Variants in NAA25 observed in about 807,000 individuals in gnomAD.
NAA25 encodes the protein N-terminal acetyltransferase B complex subunit NAA25.
NAA25 carries 30 observed loss-of-function variants against 132.5 expected under a neutral mutation model. The observed-to-expected ratio is 0.23, with a 90% CI of 0.17 to 0.31. NAA25 has a LOEUF of 0.31. Among genes scored for constraint, NAA25 ranks in the 10% least tolerant of loss-of-function variants. The pLI is 1.00. For missense variants in NAA25, 771 were observed against 1,150.4 expected, an observed-to-expected ratio of 0.67 and a Z score of 4.77; for synonymous variants, 359 against 401.9, an observed-to-expected ratio of 0.89 and a Z score of 1.28.
At chr12:112,046,969 TTAAAAA>T (rs2078391023) in intron 17 of NAA25, among the ~76,000 whole-genome samples, 1 of 152,196 alleles carries the variant, frequency 6.6e-6, no homozygotes, top group Non-Finnish European at 1.5e-5. Context: ...CCTCACCTAT[TTAAAAA>T]TATTTTCTAT....
At position 112,049,468 on chromosome 12, in the gene NAA25, T is replaced by C. The variant is rs747028900; in HGVS notation, c.1729-1025A>G. The C allele has an allele frequency of 1.0e-6, 1 of 985,874 alleles. No homozygotes were observed. The allele number at this position is 985,874 out of a possible 1,614,324, so 61.1% of individuals were successfully genotyped here. ...TTTGCCCAGTAGGAAAATAGGCCAA[T>C]AGTCAACAACATACCCTCTGATATA... On this transcript the variant is annotated intron_variant, in intron 15 of 23. Coordinates refer to ENST00000261745, the MANE Select transcript of NAA25 (RefSeq NM_024953.4). The surrounding 1 kb of genome is among the most constrained non-coding windows in gnomAD (Gnocchi z 4.7).
intron 17 of NAA25, among the ~76,000 whole-genome samples, chr12:112,046,900 A>G (rs1429680736): frequency 6.6e-6 from 1 of 152,206 alleles, no homozygotes; most frequent in Non-Finnish European, 1.5e-5. Context: ...TATTATTTCT[A>G]TTTACAGAAG....
intron 23 of NAA25, among the ~76,000 whole-genome samples, chr12:112,031,858 A>G (rs1281970617): frequency 6.6e-6 from 1 of 151,658 alleles, no homozygotes; most frequent in Non-Finnish European, 1.5e-5. Flanking sequence ...GTGAAAACCA[A>G]TTAATCTTCC....
At chr12:112,075,587 G>T in intron 8 of NAA25, 91 bp downstream of exon 8, 1 of 1,081,500 alleles carries the variant, frequency 9.2e-7, no homozygotes, top group Non-Finnish European at 1.4e-6. Flanking sequence ...TTTATGCCCA[G>T]AAACTTCAAA....
At position 112,036,817 on chromosome 12, in the gene NAA25, G is replaced by A. The variant is rs2078229271; in HGVS notation, c.2649+2412C>T. 2.0e-5 allele frequency among the ~76,000 whole-genome samples: 3 copies of A among 151,192 alleles called. No individual in the cohort carries two copies. In the South Asian group the frequency reaches 6.3e-4, roughly 32 times the overall value. ...GATTGCGCCATTGCACTCCAGCCTG[G>A]GCAACAGAGCAAGACTCCATCTCAA... On this transcript the variant is annotated intron_variant, in intron 22 of 23. Coordinates refer to ENST00000261745, the MANE Select transcript of NAA25 (RefSeq NM_024953.4).
chr12:112,102,344 G>A (rs2079306834), intron 1 of NAA25, among the ~76,000 whole-genome samples: 1 of 151,912 alleles, frequency 6.6e-6, no homozygotes, highest in South Asian at 2.1e-4. Flanking sequence ...CTGCACTGCA[G>A]CCTGGACAAC....
chr12:112,059,818 T>C (rs1164552061), intron 13 of NAA25, among the ~76,000 whole-genome samples: 2 of 151,890 alleles, frequency 1.3e-5, no homozygotes, highest in Admixed American at 1.3e-4. Flanking sequence ...AGGTTTTTTT[T>C]TTTTTTTGAG....
intron 11 of NAA25, among the ~76,000 whole-genome samples, chr12:112,064,894 C>A (rs1394180664): frequency 1.3e-5 from 2 of 151,782 alleles, no homozygotes; most frequent in Non-Finnish European, 2.9e-5. Context: ...ATTAGCTGGG[C>A]ATGGTGGTGC....
chr12:112,029,830 T>C (rs954632962), intron 23 of NAA25, among the ~76,000 whole-genome samples, 177 bp from the exon 24 acceptor site: 2 of 152,200 alleles, frequency 1.3e-5, no homozygotes, highest in East Asian at 3.8e-4. Flanking sequence ...TCATCACGAA[T>C]GGGTATTTTT....
chr12:112,050,603 C>G (rs1355974515), intron 15 of NAA25, among the ~76,000 whole-genome samples: 1 of 151,574 alleles, frequency 6.6e-6, no homozygotes, highest in African/African-American at 2.4e-5. Flanking sequence ...ACTGCAACCT[C>G]CACCTCCCAG....
intron 18 of NAA25, 33 bp downstream of exon 18, chr12:112,043,592 G>C: frequency 6.2e-7 from 1 of 1,606,546 alleles, no homozygotes; most frequent in Non-Finnish European, 8.5e-7. Context: ...TATAATTATT[G>C]CAACTTTGAT....
intron 22 of NAA25, 151 bp from the exon 23 acceptor site, chr12:112,033,530 T>C: frequency 1.8e-6 from 1 of 547,654 alleles, no homozygotes; most frequent in Non-Finnish European, 2.9e-6. Context: ...AATAACCAGC[T>C]AGACATTTGG....
chr12:112,102,765 C>A (rs2079312641), intron 1 of NAA25, among the ~76,000 whole-genome samples: 1 of 150,674 alleles, frequency 6.6e-6, no homozygotes, highest in African/African-American at 2.4e-5. Flanking sequence ...CGGCTCACTG[C>A]AACCTCCGCC....
chr12:112,091,312 T>A (rs2079126766), intron 2 of NAA25, among the ~76,000 whole-genome samples: 1 of 149,036 alleles, frequency 6.7e-6, no homozygotes, highest in African/African-American at 2.5e-5. Context: ...TTTGGGAGAC[T>A]AAGGCAGGAG....
intron 9 of NAA25, among the ~76,000 whole-genome samples, chr12:112,073,285 CAT>C (rs1555236212): frequency 6.6e-6 from 1 of 150,428 alleles, no homozygotes; most frequent in Non-Finnish European, 1.5e-5. Flanking sequence ...CACACACACA[CAT>C]ATATTTTTGA....
At chr12:112,085,902 C>T (rs910442878) in intron 4 of NAA25, among the ~76,000 whole-genome samples, 1 of 147,584 alleles carries the variant, frequency 6.8e-6, no homozygotes, top group African/African-American at 2.5e-5. Flanking sequence ...CCTGTAGTCC[C>T]AGTACTTGAG....
chr12:112,086,467 C>CCCAGTGCCCAGTGCT (rs2079058499), intron 4 of NAA25, among the ~76,000 whole-genome samples: 3 of 151,880 alleles, frequency 2.0e-5, no homozygotes, highest in South Asian at 4.2e-4. Flanking sequence ...TGCACTCCAG[C>CCCAGTGCCCAGTGCT]CTGGGCAACA....
chr12:112,087,741 T>C lies in NAA25; in HGVS notation c.344A>G (p.Tyr115Cys). 1.2e-6 allele frequency: 2 copies of C among 1,614,188 alleles called. No homozygotes were observed. The highest frequency in any genetic ancestry group is 1.7e-6 in the Non-Finnish European group (2 of 1,180,006). Residue 115 changes from tyrosine to cysteine, a missense_variant, in exon 4 of 24, where the codon TAT becomes TGT. Tyr to Cys is a radical substitution (Grantham distance 194). Around this residue, in one of 3 missense-constraint regions of NAA25, gnomAD observed 417 missense variants for 733.8 expected, o/e 0.57. Transcript: ENST00000261745. The stretch of plus-strand genomic sequence containing the variant: ...ATAGGCCATGAAGAGGTGAGAGTGA[T>C]ACTCCTCACTATTGGGAACTTTCTT... ...AVKKVPNSEE[Y>C]HSHLFMAYAR...
At chr12:112,045,734 G>A (rs147361543) in intron 17 of NAA25, among the ~76,000 whole-genome samples, 131 of 152,254 alleles carry the variant, frequency 8.6e-4, no homozygotes, top group African/African-American at 3.0e-3. Context: ...GGTGGGGGTT[G>A]CAGTGAGCCG....
Sources: gnomAD v4.1 joint callset for allele counts (sites outside exome capture counted in the v4.1 genomes callset) on GRCh38, gnomAD v4.1.1 for gene constraint, gnomAD v4.1.1 regional missense constraint, Gnocchi (gnomAD v3.1) non-coding constraint, MANE v1.5 for transcripts, NCBI Gene and HGNC (gene_info 2026-07-23, HGNC 2026-07-21) for gene names.